Variants in TCF4 observed in about 807,000 individuals in gnomAD.
The protein encoded by TCF4 is transcription factor 4.
TCF4 carries 3 observed loss-of-function variants against 82.1 expected under a neutral mutation model. The observed-to-expected ratio is 0.04, with a 90% confidence interval of 0.02 to 0.09. The LOEUF (loss-of-function observed/expected upper bound fraction) is 0.09, where lower values mean the gene tolerates loss of function less well. TCF4 is among the 10% of genes least tolerant of loss of function. The probability of loss-of-function intolerance (pLI) is 1.00; values close to 1 mark genes in which losing one functional copy is unlikely to be tolerated. For synonymous variants in TCF4, 276 were observed against 309.6 expected, an observed-to-expected ratio of 0.89 and a Z score of 1.14; for missense variants, 518 against 852.7, an observed-to-expected ratio of 0.61 and a Z score of 4.89.
intron 14 of TCF4, among the ~76,000 whole-genome samples, chr18:55,255,426 T>C (rs1299275114): frequency 6.6e-6 from 1 of 152,188 alleles, no homozygotes; most frequent in Non-Finnish European, 1.5e-5. Context: ...GCCCCAACTA[T>C]AGCATAGAAT....
At chr18:55,296,668 C>T (rs1304496247) in intron 8 of TCF4, among the ~76,000 whole-genome samples, 1 of 152,184 alleles carries the variant, frequency 6.6e-6, no homozygotes, top group African/African-American at 2.4e-5. Context: ...AGGGCCACAT[C>T]AGTGTGACTG....
At chr18:55,470,809 A>G (rs1010057823) in intron 3 of TCF4, among the ~76,000 whole-genome samples, 1 of 152,246 alleles carries the variant, frequency 6.6e-6, no homozygotes, top group Admixed American at 6.5e-5. Context: ...TTTCTTAATA[A>G]AAATTTCAAC....
At chr18:55,296,798 G>GA (rs1318586157) in intron 8 of TCF4, among the ~76,000 whole-genome samples, 1 of 152,094 alleles carries the variant, frequency 6.6e-6, no homozygotes, top group East Asian at 1.9e-4. Flanking sequence ...GCTCCTAATT[G>GA]AAAAAATTTA....
intron 3 of TCF4, among the ~76,000 whole-genome samples, chr18:55,509,809 G>A (rs2096804900): frequency 6.6e-6 from 1 of 152,124 alleles, no homozygotes; most frequent in African/African-American, 2.4e-5. Flanking sequence ...TAAAGGGAAA[G>A]GGGCGGGGGG....
chr18:55,609,067 C>T (rs1399049769), intron 2 of TCF4, among the ~76,000 whole-genome samples: 1 of 152,148 alleles, frequency 6.6e-6, no homozygotes, highest in Non-Finnish European at 1.5e-5. Flanking sequence ...AATGAGAAGA[C>T]AGCCACCTGC....
intron 3 of TCF4, among the ~76,000 whole-genome samples, chr18:55,521,236 G>A (rs1385912742): frequency 2.0e-5 from 3 of 152,056 alleles, no homozygotes; most frequent in African/African-American, 7.2e-5. Context: ...GATTCAAGTA[G>A]GAGTATTTTT....
At chr18:55,275,295 A>C (rs954097344) in intron 10 of TCF4, among the ~76,000 whole-genome samples, 2 of 151,046 alleles carry the variant, frequency 1.3e-5, no homozygotes, top group Non-Finnish European at 3.0e-5. Flanking sequence ...AAAAAAAAAA[A>C]AAACCAGGAA....
At chr18:55,303,566 T>C (rs180859874) in intron 8 of TCF4, among the ~76,000 whole-genome samples, 40 of 152,268 alleles carry the variant, frequency 2.6e-4, no homozygotes, top group African/African-American at 9.4e-4. Flanking sequence ...AATTCTTTGT[T>C]AGAATTTTGG....
intron 2 of TCF4, among the ~76,000 whole-genome samples, chr18:55,597,316 A>T (rs2097692027): frequency 6.6e-6 from 1 of 152,200 alleles, no homozygotes; most frequent in Non-Finnish European, 1.5e-5. Context: ...AGAGGAGAAA[A>T]GAAAGCTAAT....
At chr18:55,429,363 C>A (rs2095103767) in intron 5 of TCF4, among the ~76,000 whole-genome samples, 1 of 152,210 alleles carries the variant, frequency 6.6e-6, no homozygotes, top group Admixed American at 6.5e-5. Context: ...TCACACCTGG[C>A]TTAGGACAAA....
intron 3 of TCF4, among the ~76,000 whole-genome samples, chr18:55,490,701 C>T (rs1052129991): frequency 2.0e-5 from 3 of 152,014 alleles, no homozygotes; most frequent in Admixed American, 2.0e-4. Flanking sequence ...TCATTAAAGG[C>T]AGACACCATT....
At chr18:55,305,355 A>C (rs1168074025) in intron 8 of TCF4, among the ~76,000 whole-genome samples, 1 of 152,190 alleles carries the variant, frequency 6.6e-6, no homozygotes, top group African/African-American at 2.4e-5. Context: ...AAATTCTGTC[A>C]CTTACAGGGG....
intron 3 of TCF4, among the ~76,000 whole-genome samples, chr18:55,464,382 A>C (rs1253472436): frequency 2.0e-5 from 3 of 152,196 alleles, no homozygotes; most frequent in Non-Finnish European, 2.9e-5. Context: ...TCCATCCTTC[A>C]CAGTGTTTGA....
Position 55,225,269 on chromosome 18 carries a change from T to C in TCF4, c.*2766A>G, listed in dbSNP as rs1180030177. The stretch of plus-strand genomic sequence containing the variant: ...TACATCAAAGCTGGTGAACAATAAA[T>C]TGCAGCTTTTACTCTGAGTGAGAAC... On this transcript the variant is annotated 3_prime_UTR_variant, in exon 20 of 20. Coordinates refer to ENST00000354452, the MANE Select transcript of TCF4 (RefSeq NM_001083962.2). 1 of 152,556 alleles carries C rather than the reference T, an allele frequency of 6.6e-6. No homozygotes were observed. Among genetic ancestry groups the C allele is most frequent in the African/African-American group, 2.4e-5 (1 of 41,450 alleles). The allele number at this position is 152,556 out of a possible 1,614,324, so 9.5% of individuals were successfully genotyped here. A position where few individuals can be genotyped will look rare whatever the true frequency, so the allele number is the denominator to read the frequency against.
At chr18:55,599,704 G>C (rs2097694784) in intron 2 of TCF4, among the ~76,000 whole-genome samples, 1 of 152,218 alleles carries the variant, frequency 6.6e-6, no homozygotes, top group African/African-American at 2.4e-5. Flanking sequence ...CTGGGTGACA[G>C]AGTGAGAGTC....
chr18:55,571,389 T>C (rs1431096113), intron 3 of TCF4, among the ~76,000 whole-genome samples: 1 of 152,126 alleles, frequency 6.6e-6, no homozygotes, highest in African/African-American at 2.4e-5. Flanking sequence ...AATACTACTT[T>C]AAAAAGGGCA....
chr18:55,350,862 G>GGAAT lies in TCF4; in HGVS notation c.499+8_499+11dup. 1 of 1,613,136 alleles carries GGAAT rather than the reference G, an allele frequency of 6.2e-7. No homozygotes were observed. Among genetic ancestry groups the GGAAT allele is most frequent in the Non-Finnish European group, 8.5e-7 (1 of 1,179,328 alleles). On this transcript the variant is annotated intron_variant, in intron 7 of 19. Coordinates refer to ENST00000354452, the MANE Select transcript of TCF4 (RefSeq NM_001083962.2). ...ATCATCCCTCAGGCATTCAAACAAA[G>GGAAT]GAATACCTTACCCATGGCACTACTG...
At chr18:55,376,018 CTTT>C (rs772990901) in intron 6 of TCF4, among the ~76,000 whole-genome samples, 1 of 122,746 alleles carries the variant, frequency 8.1e-6, no homozygotes, top group Non-Finnish European at 1.7e-5. Flanking sequence ...TTTTCTTCTC[CTTT>C]TTTTTTTTTT....
At chr18:55,348,472 A>T (rs936724195) in intron 8 of TCF4, among the ~76,000 whole-genome samples, 2 of 152,176 alleles carry the variant, frequency 1.3e-5, no homozygotes, top group Non-Finnish European at 1.5e-5. Flanking sequence ...GAATAAAACT[A>T]AATTCCTAAT....
Sources: gnomAD v4.1 joint callset for allele counts (sites outside exome capture counted in the v4.1 genomes callset) on GRCh38, gnomAD v4.1.1 for gene constraint, MANE v1.5 for transcripts, NCBI Gene and HGNC (gene_info 2026-07-23, HGNC 2026-07-21) for gene names.